The following ARHGAP11B variants were observed in gnomAD, a reference collection of about 807,000 sequenced individuals.
ARHGAP11B encodes Rho GTPase activating protein 11B.
ARHGAP11B carries 14 observed loss-of-function variants against 27.6 expected under a neutral mutation model. That is an observed-to-expected ratio of 0.51 (90% CI 0.34 to 0.79). The LOEUF is 0.79. Ranked by LOEUF, ARHGAP11B falls within the 30% of genes least tolerant of loss-of-function variation. The pLI, the probability that ARHGAP11B is intolerant of heterozygous loss-of-function variation, is 0.02. For missense variants in ARHGAP11B, 245 were observed against 320.1 expected (o/e 0.77, Z 1.79); for synonymous variants, 82 against 114.1 (o/e 0.72, Z 1.80).
At chr15:30,646,847 T>TA (rs2060352300) in intron 9 of ARHGAP11B, among the ~76,000 whole-genome samples, 1 of 151,624 alleles carries the variant, frequency 6.6e-6, no homozygotes, top group Non-Finnish European at 1.5e-5. Flanking sequence ...TGCACTCGTG[T>TA]AATCCTAGCT....
chr15:30,644,172 C>T (rs1298372662), intron 7 of ARHGAP11B, among the ~76,000 whole-genome samples: 1 of 151,822 alleles, frequency 6.6e-6, no homozygotes, highest in Non-Finnish European at 1.5e-5. Context: ...GTAGTTATGT[C>T]CTGCCTCTTT....
chr15:30,648,222 C>T (rs1211775091), intron 10 of ARHGAP11B, among the ~76,000 whole-genome samples: 1 of 152,048 alleles, frequency 6.6e-6, no homozygotes, highest in Non-Finnish European at 1.5e-5. Context: ...TAGCACGTAG[C>T]TTCCCTATGA....
chr15:30,642,076 G>A (rs965796049), intron 7 of ARHGAP11B, among the ~76,000 whole-genome samples: 1 of 151,966 alleles, frequency 6.6e-6, no homozygotes, highest in East Asian at 1.9e-4. Context: ...TGACACTTTA[G>A]ATGTATAATA....
chr15:30,646,043 G>GTTTA (rs200685039), intron 8 of ARHGAP11B: 4,116 of 320,568 alleles, frequency 0.013, 147 homozygotes, highest in African/African-American at 0.076. Flanking sequence ...GTAATTCTGT[G>GTTTA]TTTCTCATGT....
intron 9 of ARHGAP11B, among the ~76,000 whole-genome samples, chr15:30,646,511 T>C (rs1042778745): frequency 1.3e-5 from 2 of 151,978 alleles, no homozygotes; most frequent in Admixed American, 1.3e-4. Flanking sequence ...TTGTAATACT[T>C]AGATTTCCAT....
intron 2 of ARHGAP11B, among the ~76,000 whole-genome samples, chr15:30,632,774 T>A (rs914708032): frequency 2.0e-5 from 3 of 151,828 alleles, no homozygotes; most frequent in African/African-American, 7.3e-5. Flanking sequence ...ATCCTACTTT[T>A]CTGAGGGATA....
At chr15:30,635,329 A>G (rs2060272724) in intron 5 of ARHGAP11B, 141 bp downstream of exon 5, 1 of 1,451,708 alleles carries the variant, frequency 6.9e-7, no homozygotes. Flanking sequence ...GGCAACTGTT[A>G]GAAAGTTGGT....
At chr15:30,641,086 A>G (rs1179163434) in intron 7 of ARHGAP11B, among the ~76,000 whole-genome samples, 1 of 151,916 alleles carries the variant, frequency 6.6e-6, no homozygotes, top group Admixed American at 6.6e-5. Context: ...GTCTTGTTCT[A>G]TTTTTAGTTT....
exon 9 of ARHGAP11B, chr15:30,646,199 C>G (rs1250897121): frequency 9.4e-7 from 1 of 1,065,396 alleles, no homozygotes; most frequent in Non-Finnish European, 1.2e-6. Flanking sequence ...GTGAGAAGAG[C>G]TCGGGGACCT....
chr15:30,643,669 C>T (rs2060328189), intron 7 of ARHGAP11B, among the ~76,000 whole-genome samples: 1 of 151,928 alleles, frequency 6.6e-6, no homozygotes, highest in Admixed American at 6.6e-5. Flanking sequence ...AAGAATGTCC[C>T]TTAATTTAGG....
At chr15:30,634,066 G>T (rs2060262912) in intron 3 of ARHGAP11B, 104 bp from the exon 4 acceptor site, 3 of 1,340,392 alleles carry the variant, frequency 2.2e-6, no homozygotes, top group South Asian at 2.8e-5. Flanking sequence ...AGAGTTAAGA[G>T]AAATTTATTA....
intron 7 of ARHGAP11B, among the ~76,000 whole-genome samples, chr15:30,643,684 T>G: frequency 6.6e-6 from 1 of 152,082 alleles, no homozygotes; most frequent in Non-Finnish European, 1.5e-5. Flanking sequence ...TTTAGGTTTG[T>G]CTAAGGGTTT....
chr15:30,642,201 T>A lies in ARHGAP11B; in HGVS notation c.*79-2438T>A, dbSNP rs543260249. 2.6e-5 allele frequency among the ~76,000 whole-genome samples: 4 copies of A among 152,106 alleles called. No homozygotes were observed. In the South Asian group the frequency reaches 6.2e-4, roughly 24 times the overall value. On this transcript the variant is annotated intron_variant, in intron 7 of 10. Transcript: ENST00000428041. ...AATGTCTCTGGGAAACTTTGTGAAT[T>A]CTTTATTAATAACTCAGATGAATTG...
intron 7 of ARHGAP11B, among the ~76,000 whole-genome samples, chr15:30,640,109 C>A (rs925189409): frequency 2.2e-5 from 3 of 139,054 alleles, no homozygotes; most frequent in Non-Finnish European, 4.7e-5. Context: ...ATTAGACATC[C>A]TGAATCCTGC....
chr15:30,626,184 G>C (rs1054435444), exon 1 of ARHGAP11B: 7 of 153,158 alleles, frequency 4.6e-5, no homozygotes, highest in Admixed American at 2.6e-4. Context: ...CTAACGGCTT[G>C]GCTTCAGTGA....
Position 30,626,626 on chromosome 15 carries a change from C to A in ARHGAP11B, c.-195C>A. On this transcript the variant is annotated 5_prime_UTR_variant, in exon 1 of 11. It adds an upstream start codon to the 5' untranslated region. Coordinates refer to ENST00000428041, the Ensembl canonical transcript of ARHGAP11B. ...GATCAAAGGGCTAAGAGAAGCGGGT[C>A]TGTGTAAGTGGATGTGAGTGAGGAT... is the stretch of plus-strand genomic sequence containing the variant. 1.5e-6 allele frequency: 1 copy of A among 681,858 alleles called. No homozygotes were observed. The highest frequency in any genetic ancestry group is 2.4e-6 in the Non-Finnish European group (1 of 417,412). 42.2% of individuals were successfully genotyped at this position (681,858 alleles called of 1,614,324 possible).
intron 7 of ARHGAP11B, among the ~76,000 whole-genome samples, chr15:30,639,971 A>AGTGTGTGTGTGTGTGTGT (rs71103435): frequency 9.8e-5 from 14 of 143,288 alleles, no homozygotes; most frequent in African/African-American, 2.6e-4. Flanking sequence ...TTCAATATAG[A>AGTGTGTGTGTGTGTGTGT]GTGTGTGTGT....
At chr15:30,647,841 C>T (rs1342648063) in intron 10 of ARHGAP11B, 4 of 166,654 alleles carry the variant, frequency 2.4e-5, no homozygotes, top group Admixed American at 6.6e-5. Flanking sequence ...GATGACTCTA[C>T]TCATAGGCAA....
Position 30,638,826 on chromosome 15 carries a change from T to A in ARHGAP11B, c.*78+6T>A, listed in dbSNP as rs199866634. On this transcript the variant is annotated splice_donor_region_variant and intron_variant, in intron 7 of 10. Transcript: ENST00000428041. ...ACCTCAACAAGAAAGAATTGGTAGG[T>A]ATTTATTATATGCATTTATTTAAAT... The A allele has an allele frequency of 1.1e-5, 15 of 1,338,280 alleles. No individual in the cohort carries two copies. The highest frequency in any genetic ancestry group is 1.3e-5 in the Non-Finnish European group (13 of 985,138). 82.9% of individuals were successfully genotyped at this position (1,338,280 alleles called of 1,614,324 possible). A position where few individuals can be genotyped will look rare whatever the true frequency, so the allele number is the denominator to read the frequency against.
Sources: gnomAD v4.1 joint callset for allele counts (sites outside exome capture counted in the v4.1 genomes callset) on GRCh38, gnomAD v4.1.1 for gene constraint, MANE v1.5 for transcripts, NCBI Gene and HGNC (gene_info 2026-07-23, HGNC 2026-07-21) for gene names.